MCHR2: variants seen among roughly 807,000 people sequenced by gnomAD.
MCHR2 encodes the protein melanin concentrating hormone receptor 2.
MCHR2 carries 15 observed loss-of-function variants against 24.8 expected under a neutral mutation model. The observed-to-expected ratio is 0.60, with a 90% CI of 0.40 to 0.93. The LOEUF is 0.93. Among genes scored for constraint, MCHR2 ranks in the 40% least tolerant of loss-of-function variants. The pLI is 0.00. For missense variants in MCHR2, 386 were observed against 408.7 expected (o/e 0.94, Z 0.48); for synonymous variants, 151 against 147.6 (o/e 1.02, Z -0.17).
At chr6:99,956,770 C>G (rs979835622) in intron 1 of MCHR2, among the ~76,000 whole-genome samples, 2 of 152,068 alleles carry the variant, frequency 1.3e-5, no homozygotes, top group African/African-American at 4.8e-5. Flanking sequence ...GCCAAATGCT[C>G]ACTGCCAAAA....
chr6:99,922,344 C>A (rs1190299646), intron 5 of MCHR2, among the ~76,000 whole-genome samples: 3 of 151,932 alleles, frequency 2.0e-5, no homozygotes, highest in Admixed American at 6.6e-5. Context: ...CCTAACCTCG[C>A]GATCCGCCCG....
rs1774358893 is a variant in MCHR2, at chr6:99,926,392, T to C, written c.708-5137A>G. 2.6e-5 allele frequency among the ~76,000 whole-genome samples: 4 copies of C among 152,316 alleles called. No homozygotes were observed. The South Asian group carries it at 8.3e-4, about 32-fold the overall frequency. On this transcript the variant is annotated intron_variant, in intron 5 of 5. Coordinates refer to ENST00000281806, the MANE Select transcript of MCHR2 (RefSeq NM_001040179.2). ...GTCAAATAGTATTTCTAGTTGTAGA[T>C]CCCTGAGGAATCGCCACACTGACTT... is the stretch of plus-strand genomic sequence containing the variant.
chr6:99,919,468 G>A lies in MCHR2; in HGVS notation c.*1472C>T, dbSNP rs952896102. Among the ~76,000 whole-genome samples the A allele has an allele frequency of 3.3e-5, 5 of 152,076 alleles. No homozygotes were observed. The highest frequency in any genetic ancestry group is 4.8e-5 in the African/African-American group (2 of 41,422). On this transcript the variant is annotated 3_prime_UTR_variant, in exon 6 of 6. Transcript: ENST00000281806. ...TTGAAAATTGGTTTCAGATGTTTAC[G>A]GAGAAAACAAATTTAATGTATTTAG... is the stretch of plus-strand genomic sequence containing the variant.
At chr6:99,934,586 G>C (rs932970926) in intron 4 of MCHR2, 69 bp from the exon 5 acceptor site, 1 of 1,345,574 alleles carries the variant, frequency 7.4e-7, no homozygotes, top group Admixed American at 2.9e-5. Context: ...ATTAGGAATT[G>C]GCTTTTGCAG....
Position 99,956,093 on chromosome 6 carries a change from A to G in MCHR2, c.55T>C (p.Ser19Pro). ...TGATAAGCAAACTCTTTATTCCAGG[A>G]TTTGTTTAAAAGTTCGGCAGAGGTG... is the stretch of plus-strand genomic sequence containing the variant. Reference protein sequence around the residue: ...WNTSAELLNKSWNKEFAYQTA... With the variant: ...WNTSAELLNKPWNKEFAYQTA... Residue 19 changes from serine (S) to proline (P), a missense_variant, in exon 2 of 6, where the codon TCC becomes CCC. Ser to Pro is a moderately conservative substitution (Grantham distance 74, BLOSUM62 -1). Transcript: ENST00000281806. 1 of 1,613,420 alleles carries G rather than the reference A, an allele frequency of 6.2e-7. No individual in the cohort carries two copies. The highest frequency in any genetic ancestry group is 8.5e-7 in the Non-Finnish European group (1 of 1,179,602).
At chr6:99,924,376 C>T (rs1264271485) in intron 5 of MCHR2, among the ~76,000 whole-genome samples, 1 of 151,816 alleles carries the variant, frequency 6.6e-6, no homozygotes, top group Non-Finnish European at 1.5e-5. Flanking sequence ...TCACTGATCT[C>T]TTCTATTGTT....
chr6:99,938,728 T>C (rs909490696), intron 4 of MCHR2, among the ~76,000 whole-genome samples: 8 of 152,046 alleles, frequency 5.3e-5, no homozygotes, highest in Non-Finnish European at 7.4e-5. Context: ...AGTTTAATTC[T>C]GCCGTTTCTT....
intron 1 of MCHR2, among the ~76,000 whole-genome samples, chr6:99,978,793 A>G (rs909348496): frequency 6.6e-6 from 1 of 152,136 alleles, no homozygotes; most frequent in African/African-American, 2.4e-5. Context: ...GGTGGCTAAA[A>G]AAGGCTAGGA....
At chr6:99,980,967 G>A (rs894314351) in intron 1 of MCHR2, among the ~76,000 whole-genome samples, 1 of 152,164 alleles carries the variant, frequency 6.6e-6, no homozygotes, top group Non-Finnish European at 1.5e-5. Context: ...ATATTTGAGT[G>A]GATGTCAAAG....
chr6:99,932,979 C>T (rs1050213010), intron 5 of MCHR2, among the ~76,000 whole-genome samples: 2 of 151,988 alleles, frequency 1.3e-5, no homozygotes, highest in African/African-American at 4.8e-5. Context: ...ATTTGGGAAC[C>T]CTCTGTACTG....
intron 1 of MCHR2, among the ~76,000 whole-genome samples, chr6:99,990,853 C>T (rs1329539497): frequency 1.3e-5 from 2 of 150,620 alleles, no homozygotes; most frequent in Non-Finnish European, 2.9e-5. Flanking sequence ...ATCCACCTCT[C>T]CTCCTTCCCA....
At chr6:99,955,910 G>C in intron 2 of MCHR2, 56 bp downstream of exon 2, 1 of 1,360,228 alleles carries the variant, frequency 7.4e-7, no homozygotes, top group South Asian at 1.8e-5. Context: ...AGGGAGCTTT[G>C]ACTGTAGTTT....
At chr6:99,939,386 A>T (rs2114516014) in intron 4 of MCHR2, among the ~76,000 whole-genome samples, 1 of 152,264 alleles carries the variant, frequency 6.6e-6, no homozygotes, top group African/African-American at 2.4e-5. Flanking sequence ...GCTGACAAAA[A>T]ATATATATAA....
At chr6:99,970,708 G>A (rs1775393460) in intron 1 of MCHR2, among the ~76,000 whole-genome samples, 1 of 152,182 alleles carries the variant, frequency 6.6e-6, no homozygotes, top group Non-Finnish European at 1.5e-5. Context: ...TAACATGTAA[G>A]TCTTTGATCC....
intron 4 of MCHR2, among the ~76,000 whole-genome samples, chr6:99,940,212 C>A (rs190677329): frequency 6.6e-6 from 1 of 151,752 alleles, no homozygotes; most frequent in African/African-American, 2.4e-5. Flanking sequence ...TCTTGAACAC[C>A]GATAAGTCTT....
At chr6:99,978,244 A>T (rs1165016922) in intron 1 of MCHR2, among the ~76,000 whole-genome samples, 1 of 152,180 alleles carries the variant, frequency 6.6e-6, no homozygotes, top group African/African-American at 2.4e-5. Flanking sequence ...TCATCTCTAT[A>T]GTACAAATGG....
chr6:99,933,105 C>T (rs146083738), intron 5 of MCHR2, among the ~76,000 whole-genome samples: 43 of 151,956 alleles, frequency 2.8e-4, no homozygotes, highest in African/African-American at 8.9e-4. Flanking sequence ...CATATTTAGG[C>T]GTTTAATGGA....
At chr6:99,970,532 G>A (rs1221384732) in intron 1 of MCHR2, among the ~76,000 whole-genome samples, 4 of 152,226 alleles carry the variant, frequency 2.6e-5, no homozygotes, top group Non-Finnish European at 4.4e-5. Context: ...TCTGATGGTC[G>A]TTTCTTTTGC....
chr6:99,978,620 G>T (rs1451368642), intron 1 of MCHR2, among the ~76,000 whole-genome samples: 1 of 151,858 alleles, frequency 6.6e-6, no homozygotes, highest in Non-Finnish European at 1.5e-5. Flanking sequence ...GGGTTTCACC[G>T]TGTTAGCCAG....
Sources: allele counts gnomAD v4.1 joint callset (sites outside exome capture counted in the v4.1 genomes callset), GRCh38; gene constraint gnomAD v4.1.1; transcripts MANE v1.5; gene names NCBI Gene and HGNC (gene_info 2026-07-23, HGNC 2026-07-21).